DLG2: variants seen among roughly 807,000 people sequenced by gnomAD.
DLG2 encodes the protein discs large MAGUK scaffold protein 2.
DLG2 carries 45 observed loss-of-function variants against 132.5 expected under a neutral mutation model. That is an observed-to-expected ratio of 0.34 (90% confidence interval 0.27 to 0.44). The LOEUF (loss-of-function observed/expected upper bound fraction) is 0.44. DLG2 is among the 20% of genes least tolerant of loss of function. The pLI is 1.00. For synonymous variants in DLG2, 424 were observed against 419.6 expected, an observed-to-expected ratio of 1.01 and a Z score of -0.13; for missense variants, 1,045 against 1,196.9, an observed-to-expected ratio of 0.87 and a Z score of 1.87.
chr11:85,477,708 C>G (rs1381240266), intron 3 of DLG2, among the ~76,000 whole-genome samples: 1 of 152,154 alleles, frequency 6.6e-6, no homozygotes, highest in African/African-American at 2.4e-5. Flanking sequence ...CCAAATTATT[C>G]TATTTCTGTC....
chr11:85,008,413 A>C (rs980160851), intron 6 of DLG2, among the ~76,000 whole-genome samples: 2 of 152,148 alleles, frequency 1.3e-5, no homozygotes, highest in African/African-American at 4.8e-5. Flanking sequence ...GTAAAATCAA[A>C]GTTTGAATAA....
At chr11:84,516,502 A>T (rs942827408) in intron 7 of DLG2, among the ~76,000 whole-genome samples, 5 of 151,554 alleles carry the variant, frequency 3.3e-5, no homozygotes, top group Non-Finnish European at 5.9e-5. Context: ...CATACAACCT[A>T]CCAAGACTAA....
At position 83,790,177 on chromosome 11, in the gene DLG2, A is replaced by T. The variant is rs944746232; in HGVS notation, c.1723-3385T>A. On this transcript the variant is annotated intron_variant, in intron 17 of 27. Coordinates refer to ENST00000376104, the MANE Select transcript of DLG2 (RefSeq NM_001142699.3). Reference sequence around the variant, plus strand: ...GAGACCTTGAATAACAAAAAGTTCCATTTTCAGAGTCCCTGACTGAATGCT... The same window carrying T: ...GAGACCTTGAATAACAAAAAGTTCCTTTTTCAGAGTCCCTGACTGAATGCT... The T allele has an allele frequency of 4.1e-5, 36 of 868,782 alleles. No homozygotes were observed. In the African/African-American group the frequency reaches 5.7e-4, roughly 14 times the overall value. The allele number at this position is 868,782 out of a possible 1,614,324, so 53.8% of individuals were successfully genotyped here.
rs35932645 is a variant in DLG2, at chr11:83,633,743, AACACAC to A, written c.1826-424_1826-419del. On this transcript the variant is annotated intron_variant, in intron 18 of 27. Transcript: ENST00000376104. The stretch of plus-strand genomic sequence containing the variant: ...CGTGTGATAAAATTACACAGAACTA[AACACAC>A]ACACACACACACACACACACACACA... Among the ~76,000 whole-genome samples, 969 of 143,278 alleles carry A rather than the reference AACACAC, an allele frequency of 6.8e-3. 3 individuals are homozygous for A. The highest frequency in any genetic ancestry group is 9.0e-3 in the African/African-American group (351 of 38,930). The allele number at this position is 143,278 out of a possible 152,430, so 94.0% of individuals were successfully genotyped here. A position where few individuals can be genotyped will look rare whatever the true frequency, so the allele number is the denominator to read the frequency against.
chr11:84,052,745 T>C (rs2154122541), intron 11 of DLG2, among the ~76,000 whole-genome samples: 2 of 151,662 alleles, frequency 1.3e-5, no homozygotes, highest in Middle Eastern at 3.4e-3. Flanking sequence ...GGAATGCTTT[T>C]ACACTGTTGG....
intron 6 of DLG2, among the ~76,000 whole-genome samples, chr11:84,622,786 T>A: frequency 6.6e-6 from 1 of 152,156 alleles, no homozygotes; most frequent in East Asian, 1.9e-4. Flanking sequence ...AGGATCAAAA[T>A]GGTAGATCAA....
intron 4 of DLG2, among the ~76,000 whole-genome samples, chr11:85,170,820 T>C (rs1011955615): frequency 6.6e-6 from 1 of 152,030 alleles, no homozygotes; most frequent in Non-Finnish European, 1.5e-5. Flanking sequence ...CTGGGGATTT[T>C]ATAGGATGAT....
intron 3 of DLG2, among the ~76,000 whole-genome samples, chr11:85,446,671 G>A (rs2092024105): frequency 6.6e-6 from 1 of 152,038 alleles, no homozygotes; most frequent in African/African-American, 2.4e-5. Context: ...TATGTAGCGT[G>A]AATCATACAA....
intron 3 of DLG2, among the ~76,000 whole-genome samples, chr11:85,407,574 A>G (rs1262268791): frequency 6.6e-6 from 1 of 151,980 alleles, no homozygotes; most frequent in Admixed American, 6.6e-5. Flanking sequence ...ATTTGAGTGC[A>G]ATTTGCTTAT....
chr11:84,363,042 G>A (rs1654225205), intron 7 of DLG2, among the ~76,000 whole-genome samples: 1 of 150,426 alleles, frequency 6.6e-6, no homozygotes, highest in South Asian at 2.1e-4. Context: ...GGATGGCTGG[G>A]TCAAATGGTA....
chr11:84,991,643 T>C (rs765765216), intron 6 of DLG2, among the ~76,000 whole-genome samples: 9 of 151,796 alleles, frequency 5.9e-5, no homozygotes, highest in Non-Finnish European at 1.2e-4. Context: ...ACTGAGATCA[T>C]TTAGGTGATG....
At chr11:84,785,959 A>AT (rs199712853) in intron 6 of DLG2, among the ~76,000 whole-genome samples, 9 of 151,548 alleles carry the variant, frequency 5.9e-5, no homozygotes, top group South Asian at 2.1e-4. Flanking sequence ...CTTGAAAATC[A>AT]TTTTTTTTCC....
intron 3 of DLG2, among the ~76,000 whole-genome samples, chr11:85,458,514 G>T (rs1295643266): frequency 6.6e-6 from 1 of 152,182 alleles, no homozygotes; most frequent in Non-Finnish European, 1.5e-5. Context: ...TTTTTGAGTT[G>T]CCAGAGTTCT....
chr11:83,862,287 G>T (rs796289233), intron 16 of DLG2, among the ~76,000 whole-genome samples: 2 of 152,076 alleles, frequency 1.3e-5, no homozygotes, highest in Non-Finnish European at 2.9e-5. Context: ...CCTGTCATTG[G>T]CAACAACACG....
At chr11:84,863,305 A>G (rs888270482) in intron 6 of DLG2, among the ~76,000 whole-genome samples, 3 of 151,786 alleles carry the variant, frequency 2.0e-5, no homozygotes, top group Non-Finnish European at 4.4e-5. Context: ...TGTCCTTTCC[A>G]TCTTAAATTC....
intron 3 of DLG2, among the ~76,000 whole-genome samples, chr11:85,494,650 C>G (rs572418744): frequency 1.4e-3 from 209 of 151,250 alleles, no homozygotes; most frequent in Non-Finnish European, 2.1e-3. Flanking sequence ...TGTGTTTTAT[C>G]TTTAAAGAGT....
intron 15 of DLG2, among the ~76,000 whole-genome samples, chr11:83,906,354 C>T (rs1402398507): frequency 1.3e-5 from 2 of 149,736 alleles, no homozygotes; most frequent in Non-Finnish European, 3.0e-5. Flanking sequence ...TTACCAGCAC[C>T]AGCCACCACA....
intron 4 of DLG2, among the ~76,000 whole-genome samples, chr11:85,260,689 G>C (rs1467872477): frequency 1.3e-5 from 2 of 152,194 alleles, no homozygotes; most frequent in Non-Finnish European, 2.9e-5. Flanking sequence ...AGATGGGCTT[G>C]GTTGTGTCTC....
intron 6 of DLG2, among the ~76,000 whole-genome samples, chr11:84,791,925 C>T (rs1309865525): frequency 6.6e-6 from 1 of 152,026 alleles, no homozygotes; most frequent in Non-Finnish European, 1.5e-5. Flanking sequence ...CCTTTTATAT[C>T]TTTCTATTGT....
Sources: gnomAD v4.1 joint callset for allele counts (sites outside exome capture counted in the v4.1 genomes callset) on GRCh38, gnomAD v4.1.1 for gene constraint, MANE v1.5 for transcripts, NCBI Gene and HGNC (gene_info 2026-07-23, HGNC 2026-07-21) for gene names.